The following ASIC2 variants were observed in gnomAD, a reference collection of about 807,000 sequenced individuals.
The protein encoded by ASIC2 is acid-sensing ion channel 2.
ASIC2 carries 25 observed loss-of-function variants against 57.3 expected under a neutral mutation model. The ratio of observed to expected loss-of-function variants is 0.44; its 90% CI spans 0.32 to 0.61. The LOEUF is 0.61. Among genes scored for constraint, ASIC2 ranks in the 20% least tolerant of loss-of-function variants. ASIC2 has a pLI of 0.06. For synonymous variants in ASIC2, 319 were observed against 307.5 expected (o/e 1.04, Z -0.39); for missense variants, 641 against 738.1 (o/e 0.87, Z 1.52).
chr17:33,625,402 TA>T (rs1905953120), intron 1 of ASIC2, among the ~76,000 whole-genome samples: 1 of 152,136 alleles, frequency 6.6e-6, no homozygotes, highest in African/African-American at 2.4e-5. Flanking sequence ...TGAGCTTAGA[TA>T]AGTATCCTTC....
In ASIC2 at chr17:33,904,502, A is replaced by T. The variant is rs570383286; in HGVS notation, c.555+251476T>A. On this transcript the variant is annotated intron_variant, in intron 1 of 9. Coordinates refer to the ASIC2 transcript ENST00000359872. ...TTGCAATTCAAATGTTCTGAGGCAGAGCTATAGAGTTTGTACTTTTAAAAA... is the reference window on the plus strand; with the variant it reads ...TTGCAATTCAAATGTTCTGAGGCAGTGCTATAGAGTTTGTACTTTTAAAAA... 2.0e-5 allele frequency among the ~76,000 whole-genome samples: 3 copies of T among 152,322 alleles called. No individual in the cohort carries two copies. The South Asian group carries it at 6.2e-4, about 32-fold the overall frequency.
At chr17:33,112,442 T>G (rs2092263223) in intron 1 of ASIC2, among the ~76,000 whole-genome samples, 1 of 152,176 alleles carries the variant, frequency 6.6e-6, no homozygotes, top group Non-Finnish European at 1.5e-5. Context: ...CACACTAGTT[T>G]CACTCATTGT....
chr17:33,405,094 T>C (rs890627049), intron 1 of ASIC2, among the ~76,000 whole-genome samples: 1 of 152,156 alleles, frequency 6.6e-6, no homozygotes, highest in Non-Finnish European at 1.5e-5. Context: ...TACAACTGTT[T>C]TCCATGCTCT....
intron 1 of ASIC2, among the ~76,000 whole-genome samples, chr17:33,224,496 T>C (rs1907803899): frequency 6.6e-6 from 1 of 151,978 alleles, no homozygotes; most frequent in South Asian, 2.1e-4. Flanking sequence ...GATCAACAAA[T>C]TGGCTAAAAT....
intron 1 of ASIC2, among the ~76,000 whole-genome samples, chr17:33,299,693 T>C (rs373356404): frequency 1.3e-5 from 2 of 152,040 alleles, no homozygotes; most frequent in African/African-American, 4.8e-5. Context: ...AATTCCCAGG[T>C]ATAAGAGGTC....
At chr17:33,978,047 G>C (rs1905460039) in intron 1 of ASIC2, among the ~76,000 whole-genome samples, 1 of 152,206 alleles carries the variant, frequency 6.6e-6, no homozygotes, top group African/African-American at 2.4e-5. Flanking sequence ...AGCCCTTGAA[G>C]GTGGGGCAGG....
intron 1 of ASIC2, among the ~76,000 whole-genome samples, chr17:33,652,727 T>A (rs1310251769): frequency 6.6e-6 from 1 of 152,218 alleles, no homozygotes; most frequent in Non-Finnish European, 1.5e-5. Flanking sequence ...AGGAGACCGT[T>A]CTTCCTGTCT....
intron 1 of ASIC2, among the ~76,000 whole-genome samples, chr17:33,206,460 G>T (rs981337260): frequency 2.6e-5 from 4 of 152,172 alleles, no homozygotes; most frequent in Non-Finnish European, 5.9e-5. Flanking sequence ...GAGGCACTGG[G>T]ATTTGAACCA....
At chr17:33,452,007 A>G (rs755583408) in intron 1 of ASIC2, among the ~76,000 whole-genome samples, 5 of 152,248 alleles carry the variant, frequency 3.3e-5, no homozygotes, top group Non-Finnish European at 5.9e-5. Context: ...CATTCACCAG[A>G]TAAGTAAATA....
intron 1 of ASIC2, among the ~76,000 whole-genome samples, chr17:33,220,554 A>T (rs971326867): frequency 1.3e-5 from 2 of 152,232 alleles, no homozygotes; most frequent in Admixed American, 6.5e-5. Flanking sequence ...TGGGCAATTC[A>T]TTTAATTTCT....
chr17:34,093,270 A>G (rs980547489), intron 1 of ASIC2, among the ~76,000 whole-genome samples: 11 of 152,224 alleles, frequency 7.2e-5, no homozygotes, highest in South Asian at 2.1e-4. Context: ...CCTGCACCCA[A>G]GCCACTCTGT....
At chr17:33,696,474 G>T (rs773728344) in intron 1 of ASIC2, among the ~76,000 whole-genome samples, 1 of 152,138 alleles carries the variant, frequency 6.6e-6, no homozygotes, top group Non-Finnish European at 1.5e-5. Context: ...TATATGAGGG[G>T]AAAGCACTAG....
intron 1 of ASIC2, among the ~76,000 whole-genome samples, chr17:33,204,346 AGCCAGCCT>A (rs2142081459): frequency 6.6e-6 from 1 of 152,314 alleles, no homozygotes; most frequent in South Asian, 2.1e-4. Flanking sequence ...GTCAGTGAGA[AGCCAGCCT>A]GGCAGAGTAT....
At chr17:33,413,611 CGCCCATTCTCCCAGTA>C (rs527389877) in intron 1 of ASIC2, among the ~76,000 whole-genome samples, 14 of 152,228 alleles carry the variant, frequency 9.2e-5, no homozygotes, top group Non-Finnish European at 1.9e-4. Context: ...TATCCTGCCA[CGCCCATTCTCCCAGTA>C]GCCTTTTGCA....
At chr17:33,112,853 A>ACATTAATCCTGTGCTGAAAACC (rs1216852082) in intron 1 of ASIC2, 2 of 152,236 alleles carry the variant, frequency 1.3e-5, no homozygotes, top group East Asian at 3.9e-4. Context: ...AAACCCTATC[A>ACATTAATCCTGTGCTGAAAACC]CATTAATCCT....
chr17:33,186,897 T>C (rs1906218514), intron 1 of ASIC2, among the ~76,000 whole-genome samples: 1 of 152,240 alleles, frequency 6.6e-6, no homozygotes, highest in Non-Finnish European at 1.5e-5. Context: ...ACTCTTTTTC[T>C]ATGCAACAAC....
intron 1 of ASIC2, among the ~76,000 whole-genome samples, chr17:33,240,059 A>T (rs1908444245): frequency 6.6e-6 from 1 of 152,200 alleles, no homozygotes; most frequent in Non-Finnish European, 1.5e-5. Context: ...GGTACACAGT[A>T]AAGGTTTGTT....
chr17:33,667,426 G>A (rs563618450), intron 1 of ASIC2, among the ~76,000 whole-genome samples: 22 of 152,330 alleles, frequency 1.4e-4, no homozygotes, highest in African/African-American at 5.3e-4. Context: ...TTATACATAT[G>A]TTTCTCTCTC....
At chr17:33,526,280 G>T (rs1914883028) in intron 1 of ASIC2, among the ~76,000 whole-genome samples, 1 of 152,152 alleles carries the variant, frequency 6.6e-6, no homozygotes, top group Non-Finnish European at 1.5e-5. Flanking sequence ...TTGCAGGGCA[G>T]CAGAGGATGA....
Sources: gnomAD v4.1 joint callset for allele counts (sites outside exome capture counted in the v4.1 genomes callset) on GRCh38, gnomAD v4.1.1 for gene constraint, MANE v1.5 for transcripts, NCBI Gene and HGNC (gene_info 2026-07-23, HGNC 2026-07-21) for gene names.